Variants in FARS2 observed in about 807,000 individuals in gnomAD.
The protein encoded by FARS2 is phenylalanine--tRNA ligase, mitochondrial.
A neutral mutation model predicts 46.4 loss-of-function variants in FARS2; 40 were observed. That is an observed-to-expected ratio of 0.86 (90% CI 0.67 to 1.12). The LOEUF is 1.12. Among genes scored for constraint, FARS2 ranks in the 50% most tolerant of loss-of-function variants. The pLI, the probability that FARS2 is intolerant of heterozygous loss-of-function variation, is 0.00. For synonymous variants in FARS2, 234 were observed against 214.9 expected (o/e 1.09, Z -0.78); for missense variants, 513 against 567.9 (o/e 0.90, Z 0.98).
chr6:5,553,051 A>G (rs1462220544), intron 5 of FARS2, among the ~76,000 whole-genome samples: 4 of 152,246 alleles, frequency 2.6e-5, no homozygotes, highest in Admixed American at 2.0e-4. Context: ...CATTTTACTT[A>G]CAGATTTTAT....
chr6:5,388,999 A>T (rs1249487232), intron 2 of FARS2, among the ~76,000 whole-genome samples: 2 of 152,114 alleles, frequency 1.3e-5, no homozygotes, highest in South Asian at 2.1e-4. Flanking sequence ...GTTCTCCGTC[A>T]TATCTGTTTA....
chr6:5,321,790 A>G (rs184436410), intron 1 of FARS2, among the ~76,000 whole-genome samples: 3 of 152,318 alleles, frequency 2.0e-5, no homozygotes, highest in South Asian at 4.1e-4. Flanking sequence ...TCTGCCTTAT[A>G]TATTGATTGC....
intron 6 of FARS2, among the ~76,000 whole-genome samples, chr6:5,637,876 G>A (rs1776620750): frequency 6.6e-6 from 1 of 152,138 alleles, no homozygotes; most frequent in South Asian, 2.1e-4. Flanking sequence ...CCACCCTAAT[G>A]ACCTCTTATC....
At position 5,368,912 on chromosome 6, in the gene FARS2, C is replaced by T. The variant is rs2127643581; in HGVS notation, c.342C>T (p.Asp114=). The change falls in exon 2 of 7, where the codon GAC becomes GAT. Residue 114 remains aspartate, a synonymous_variant. Coordinates refer to ENST00000274680, the MANE Select transcript of FARS2 (RefSeq NM_006567.5). ...RFGTPLFSVY[D]NLSPVVTTWQ... is the part of the protein sequence containing the mutation. ...GGACCCCGTTGTTCTCGGTCTACGACAACCTTTCTCCAGTGGTCACGACCT... is the reference window on the plus strand; with the variant it reads ...GGACCCCGTTGTTCTCGGTCTACGATAACCTTTCTCCAGTGGTCACGACCT... The T allele has an allele frequency of 3.7e-6, 6 of 1,614,204 alleles. No homozygotes were observed. Among genetic ancestry groups the T allele is most frequent in the Non-Finnish European group, 3.4e-6 (4 of 1,180,026 alleles).
chr6:5,419,040 C>T (rs1020017023), intron 3 of FARS2, among the ~76,000 whole-genome samples: 1 of 152,080 alleles, frequency 6.6e-6, no homozygotes, highest in Non-Finnish European at 1.5e-5. Context: ...TTCCCCTCTT[C>T]GCCTTCATTA....
At chr6:5,587,378 A>G (rs1773675526) in intron 5 of FARS2, among the ~76,000 whole-genome samples, 1 of 152,222 alleles carries the variant, frequency 6.6e-6, no homozygotes, top group African/African-American at 2.4e-5. Context: ...GTTAGTGAGG[A>G]AAAGGTGGGA....
At chr6:5,688,754 T>G (rs936052894) in intron 6 of FARS2, among the ~76,000 whole-genome samples, 1 of 152,234 alleles carries the variant, frequency 6.6e-6, no homozygotes, top group Non-Finnish European at 1.5e-5. Flanking sequence ...TTCTATTGAT[T>G]GGAATAGTTT....
intron 6 of FARS2, among the ~76,000 whole-genome samples, chr6:5,740,132 G>C (rs968780411): frequency 1.3e-5 from 2 of 152,190 alleles, no homozygotes; most frequent in African/African-American, 4.8e-5. Flanking sequence ...AGTGGCATCT[G>C]TCTGCTGTGT....
At chr6:5,745,468 C>T (rs1761583123) in intron 6 of FARS2, among the ~76,000 whole-genome samples, 1 of 152,200 alleles carries the variant, frequency 6.6e-6, no homozygotes, top group Non-Finnish European at 1.5e-5. Context: ...TAGTTCTTTT[C>T]AAAGACAGTG....
At chr6:5,272,854 C>T (rs1399242021) in intron 1 of FARS2, among the ~76,000 whole-genome samples, 4 of 152,194 alleles carry the variant, frequency 2.6e-5, no homozygotes, top group Non-Finnish European at 4.4e-5. Flanking sequence ...AGTCTATTCT[C>T]TCTTTCCATG....
chr6:5,565,918 C>A (rs1450508409), intron 5 of FARS2, among the ~76,000 whole-genome samples: 1 of 152,164 alleles, frequency 6.6e-6, no homozygotes. Context: ...TTTACCCTTG[C>A]ATTAGTTTAT....
intron 3 of FARS2, among the ~76,000 whole-genome samples, chr6:5,425,193 ATGGAGGGTACCCCTGGTT>A (rs989541499): frequency 6.6e-6 from 1 of 152,152 alleles, no homozygotes; most frequent in African/African-American, 2.4e-5. Context: ...AAAATTATTC[ATGGAGGGTACCCCTGGTT>A]TGGTGTAGAA....
chr6:5,444,464 C>T (rs1764037899), intron 4 of FARS2, among the ~76,000 whole-genome samples: 1 of 42,030 alleles, frequency 2.4e-5, no homozygotes, highest in Non-Finnish European at 3.6e-5. Flanking sequence ...GTGACTCTGT[C>T]TCAAAAAAAA....
chr6:5,468,354 A>G (rs563201753), intron 4 of FARS2, among the ~76,000 whole-genome samples: 1 of 140,658 alleles, frequency 7.1e-6, no homozygotes, highest in South Asian at 2.2e-4. Context: ...TGGTAAAAGT[A>G]AAAAAAAAAA....
chr6:5,580,447 T>C (rs1321698079), intron 5 of FARS2, among the ~76,000 whole-genome samples: 1 of 152,118 alleles, frequency 6.6e-6, no homozygotes, highest in African/African-American at 2.4e-5. Flanking sequence ...TATTATACTG[T>C]AGTCTGGTCA....
chr6:5,575,357 T>A (rs1399871626), intron 5 of FARS2, among the ~76,000 whole-genome samples: 1 of 152,190 alleles, frequency 6.6e-6, no homozygotes, highest in Non-Finnish European at 1.5e-5. Context: ...CAAATAAATG[T>A]TCACAAGTAG....
At chr6:5,581,754 T>C (rs1298789891) in intron 5 of FARS2, among the ~76,000 whole-genome samples, 2 of 152,208 alleles carry the variant, frequency 1.3e-5, no homozygotes, top group African/African-American at 4.8e-5. Flanking sequence ...TACTTCCGGT[T>C]AATTCCTGAT....
chr6:5,535,396 CT>C (rs1770131189), intron 4 of FARS2, among the ~76,000 whole-genome samples: 1 of 152,134 alleles, frequency 6.6e-6, no homozygotes, highest in African/African-American at 2.4e-5. Context: ...GTTTAGACAG[CT>C]TTTTGTGTGT....
chr6:5,638,372 G>C (rs539480240), intron 6 of FARS2, among the ~76,000 whole-genome samples: 1 of 152,262 alleles, frequency 6.6e-6, no homozygotes, highest in African/African-American at 2.4e-5. Context: ...CCAGACCAAT[G>C]TGGCCACCTT....
Sources: allele counts gnomAD v4.1 joint callset (sites outside exome capture counted in the v4.1 genomes callset), GRCh38; gene constraint gnomAD v4.1.1; transcripts MANE v1.5; gene names NCBI Gene and HGNC (gene_info 2026-07-23, HGNC 2026-07-21).